FBXL2: variants seen among roughly 807,000 people sequenced by gnomAD.
The protein encoded by FBXL2 is F-box and leucine rich repeat protein 2.
In FBXL2, 38 loss-of-function variants were observed where a neutral mutation model predicts 69.2. The observed-to-expected ratio is 0.55, with a 90% confidence interval of 0.42 to 0.72. The LOEUF is 0.72. FBXL2 is among the 30% of genes least tolerant of loss of function. FBXL2 has a pLI of 0.00. For synonymous variants in FBXL2, 192 were observed against 201.3 expected, an observed-to-expected ratio of 0.95 and a Z score of 0.39; for missense variants, 354 against 520.3, an observed-to-expected ratio of 0.68 and a Z score of 3.11.
intron 2 of FBXL2, among the ~76,000 whole-genome samples, chr3:33,356,344 G>A (rs954174048): frequency 6.6e-6 from 1 of 151,906 alleles, no homozygotes; most frequent in African/African-American, 2.4e-5. Flanking sequence ...AGTTGCTCGA[G>A]TTGGTTTGTT....
intron 12 of FBXL2, chr3:33,402,846 G>T: frequency 1.2e-6 from 2 of 1,609,212 alleles, no homozygotes; most frequent in Non-Finnish European, 1.7e-6. Flanking sequence ...GGTGAAAGTG[G>T]GCGCTGGGGA....
the FBXL2 span, chr3:33,409,315 T>A: frequency 6.2e-7 from 1 of 1,614,176 alleles, no homozygotes; most frequent in Non-Finnish European, 8.5e-7. Context: ...CTTCTCTCGG[T>A]CAGTTTTTTG....
intron 2 of FBXL2, among the ~76,000 whole-genome samples, chr3:33,346,827 T>TA (rs57298554): frequency 0.3 from 45,505 of 151,594 alleles, 7,921 homozygotes; most frequent in East Asian, 0.49. Flanking sequence ...TGTTCAGATT[T>TA]AAAAAAAAAT....
At chr3:33,413,808 A>G in the FBXL2 span, among the ~76,000 whole-genome samples, 1 of 152,106 alleles carries the variant, frequency 6.6e-6, no homozygotes, top group Non-Finnish European at 1.5e-5. Flanking sequence ...TGTCCAAGCA[A>G]TTACCCAGCA....
At chr3:33,282,960 G>T (rs1371130959) in intron 1 of FBXL2, among the ~76,000 whole-genome samples, 1 of 152,080 alleles carries the variant, frequency 6.6e-6, no homozygotes, top group African/African-American at 2.4e-5. Context: ...GAGATAATGG[G>T]GTTTTCTAAA....
rs758664629 is a variant in FBXL2, at chr3:33,401,029, G to GAGAA, written n.1215-2200_1215-2197dup. Reference sequence around the variant, plus strand: ...GGAAGAAGAATTGCTGGGGAGAAAGGAGAAAGAAGGAAATGATGATTTTTA... The same window carrying GAGAA: ...GGAAGAAGAATTGCTGGGGAGAAAGGAGAAAGAAAGAAGGAAATGATGATTTTTA... On this transcript the variant is annotated intron_variant and non_coding_transcript_variant, in intron 12 of 12. Coordinates refer to the FBXL2 transcript ENST00000463736. The GAGAA allele has an allele frequency of 2.1e-5, 33 of 1,582,122 alleles. No individual in the cohort carries two copies. In the African/African-American group the frequency reaches 4.4e-4, roughly 21 times the overall value.
intron 12 of FBXL2, chr3:33,396,133 G>T: frequency 1.3e-6 from 2 of 1,518,746 alleles, no homozygotes; most frequent in South Asian, 1.2e-5. Context: ...TCTCAGAAGT[G>T]ACAGAATTGA....
intron 12 of FBXL2, chr3:33,402,914 GA>G: frequency 6.3e-7 from 1 of 1,594,254 alleles, no homozygotes; most frequent in Non-Finnish European, 8.6e-7. Flanking sequence ...ACTAAGGACA[GA>G]AACAGAAATA....
intron 1 of FBXL2, among the ~76,000 whole-genome samples, chr3:33,287,260 A>G (rs910145148): frequency 3.9e-5 from 6 of 152,186 alleles, no homozygotes; most frequent in African/African-American, 1.4e-4. Flanking sequence ...TAATAGATCA[A>G]GGAAAGTAGA....
At chr3:33,405,993 A>G (rs947569797), downstream of FBXL2, among the ~76,000 whole-genome samples, 18 of 152,230 alleles carry the variant, frequency 1.2e-4, no homozygotes, top group Non-Finnish European at 2.5e-4. Flanking sequence ...TATTACTTCT[A>G]TTATCAGTCA....
chr3:33,415,551 G>T, the FBXL2 span, among the ~76,000 whole-genome samples: 2 of 152,110 alleles, frequency 1.3e-5, no homozygotes, highest in Non-Finnish European at 2.9e-5. Context: ...CCATATGATG[G>T]ATATATGTGG....
chr3:33,303,778 T>G (rs1255208877), intron 2 of FBXL2, among the ~76,000 whole-genome samples: 2 of 151,944 alleles, frequency 1.3e-5, no homozygotes, highest in African/African-American at 4.8e-5. Context: ...AAAATCAAAA[T>G]TATTAAGATA....
At chr3:33,407,316 T>C (rs142517384), downstream of FBXL2, among the ~76,000 whole-genome samples, 2 of 152,330 alleles carry the variant, frequency 1.3e-5, no homozygotes, top group East Asian at 1.9e-4. Context: ...CTCTGGGCTA[T>C]AATGAATTTC....
chr3:33,341,919 G>C (rs1483092824), intron 2 of FBXL2, among the ~76,000 whole-genome samples: 1 of 150,854 alleles, frequency 6.6e-6, no homozygotes, highest in African/African-American at 2.4e-5. Context: ...ACCAGGGTAG[G>C]TGTTATAATA....
chr3:33,333,944 C>T (rs1051507350), intron 2 of FBXL2, among the ~76,000 whole-genome samples: 1 of 152,038 alleles, frequency 6.6e-6, no homozygotes, highest in African/African-American at 2.4e-5. Flanking sequence ...AATATAGTGG[C>T]TCAAGGGTTT....
chr3:33,297,193 G>A (rs2035825369), intron 1 of FBXL2, among the ~76,000 whole-genome samples: 1 of 152,064 alleles, frequency 6.6e-6, no homozygotes, highest in Admixed American at 6.5e-5. Flanking sequence ...TTATTTTCAG[G>A]ATGTTCATTG....
In FBXL2 at chr3:33,378,726, T is replaced by TA. The variant is rs1438738163; in HGVS notation, c.939dup (p.Leu314ThrfsTer10). The TA allele has an allele frequency of 6.2e-7, 1 of 1,614,088 alleles. No homozygotes were observed. The highest frequency in any genetic ancestry group is 1.3e-5 in the African/African-American group (1 of 74,938). On this transcript the variant is annotated frameshift_variant, in exon 13 of 15. Coordinates refer to ENST00000484457, the MANE Select transcript of FBXL2 (RefSeq NM_012157.5). LOFTEE classifies it high-confidence loss of function. ...TCATCCAGCTCTCCATTCACTGTCC[T>TA]AAACTGCAAGCCCTGGTGAGTCTGA...
chr3:33,287,803 T>C (rs2034804173), intron 1 of FBXL2, among the ~76,000 whole-genome samples: 1 of 152,232 alleles, frequency 6.6e-6, no homozygotes, highest in East Asian at 1.9e-4. Context: ...AAACTAAAGA[T>C]TGTGCCCAGT....
At chr3:33,320,770 C>T (rs1031738260) in intron 2 of FBXL2, among the ~76,000 whole-genome samples, 1 of 152,064 alleles carries the variant, frequency 6.6e-6, no homozygotes, top group Non-Finnish European at 1.5e-5. Context: ...TGAGCCACCA[C>T]ACCTAGCCAG....
Sources: gnomAD v4.1 joint callset for allele counts (sites outside exome capture counted in the v4.1 genomes callset) on GRCh38, gnomAD v4.1.1 for gene constraint, MANE v1.5 for transcripts, NCBI Gene and HGNC (gene_info 2026-07-23, HGNC 2026-07-21) for gene names.